Variants in NRP2 observed in about 807,000 individuals in gnomAD.
NRP2 encodes the protein neuropilin-2.
NRP2 carries 52 observed loss-of-function variants against 110.4 expected under a neutral mutation model. That is an observed-to-expected ratio of 0.47 (90% confidence interval 0.38 to 0.59). The LOEUF (loss-of-function observed/expected upper bound fraction) is 0.59, where lower values mean the gene tolerates loss of function less well. Among genes scored for constraint, NRP2 ranks in the 20% least tolerant of loss-of-function variants. NRP2 has a pLI of 0.00. For missense variants in NRP2, 1,049 were observed against 1,203.0 expected, an observed-to-expected ratio of 0.87 and a Z score of 1.89; for synonymous variants, 508 against 468.9, an observed-to-expected ratio of 1.08 and a Z score of -1.08.
At chr2:205,730,641 A>G (rs1356955468) in intron 7 of NRP2, among the ~76,000 whole-genome samples, 4 of 152,130 alleles carry the variant, frequency 2.6e-5, no homozygotes, top group Admixed American at 6.5e-5. Context: ...GGGAATAGTG[A>G]CATTTGGGAC....
chr2:205,690,445 A>G (rs1308263405), intron 1 of NRP2, among the ~76,000 whole-genome samples: 1 of 152,072 alleles, frequency 6.6e-6, no homozygotes, highest in African/African-American at 2.4e-5. Context: ...CTAGTATTAA[A>G]AATAAAATGG....
At chr2:205,718,763 G>A (rs777925495) in intron 3 of NRP2, among the ~76,000 whole-genome samples, 8 of 152,058 alleles carry the variant, frequency 5.3e-5, no homozygotes, top group Non-Finnish European at 1.0e-4. Context: ...CCAACATGGC[G>A]AAACCTGGTC....
At chr2:205,745,260 TC>T (rs2057516990) in intron 9 of NRP2, among the ~76,000 whole-genome samples, 2 of 152,348 alleles carry the variant, frequency 1.3e-5, no homozygotes, top group Non-Finnish European at 2.9e-5. Flanking sequence ...GGGGTCATTT[TC>T]CCGTAAGGTT....
At position 205,726,067 on chromosome 2, in the gene NRP2, C is replaced by G; in HGVS notation, c.975C>G (p.Asn325Lys). 6.2e-7 allele frequency: 1 copy of G among 1,614,202 alleles called. No individual in the cohort carries two copies. Among genetic ancestry groups the G allele is most frequent in the Non-Finnish European group, 8.5e-7 (1 of 1,180,032 alleles). ...GCTGGACCCCCAACTTGGATTCCAA[C>G]AAGGAGTATCTCCAGGTACTTGTGC... is the stretch of plus-strand genomic sequence containing the variant. ...DNGWTPNLDS[N>K]KEYLQVDLRF... Residue 325 changes from asparagine (N) to lysine (K), a missense_variant, in exon 6 of 17, where the codon AAC becomes AAG. Physicochemically the swap from Asn to Lys is moderately conservative, Grantham distance 94 (BLOSUM62 0). Transcript: ENST00000357785.
At chr2:205,757,684 G>A (rs1043997384) in intron 12 of NRP2, among the ~76,000 whole-genome samples, 13 of 152,130 alleles carry the variant, frequency 8.5e-5, no homozygotes, top group African/African-American at 3.1e-4. Flanking sequence ...CTTGGCTGGG[G>A]CACAGACACT....
intron 2 of NRP2, among the ~76,000 whole-genome samples, chr2:205,715,809 G>A (rs916521819): frequency 1.2e-4 from 19 of 152,244 alleles, no homozygotes; most frequent in African/African-American, 4.1e-4. Context: ...GATGCTCAAA[G>A]GGGTTCAGCA....
At chr2:205,710,971 G>A (rs747464850) in intron 2 of NRP2, among the ~76,000 whole-genome samples, 20 of 152,322 alleles carry the variant, frequency 1.3e-4, no homozygotes, top group Non-Finnish European at 2.2e-4. Context: ...AATGCTGTCA[G>A]CATGATTTGA....
chr2:205,776,923 A>T, intron 15 of NRP2: 2 of 1,189,990 alleles, frequency 1.7e-6, no homozygotes, highest in Non-Finnish European at 2.1e-6. Context: ...GGAAGCCTGG[A>T]TCTGTGTGTA....
intron 2 of NRP2, among the ~76,000 whole-genome samples, chr2:205,704,280 G>C (rs1456321108): frequency 6.6e-6 from 1 of 152,202 alleles, no homozygotes; most frequent in Non-Finnish European, 1.5e-5. Context: ...GGTCTCCGTT[G>C]AAGTCTGAAA....
chr2:205,750,240 G>A (rs2241156), intron 11 of NRP2, among the ~76,000 whole-genome samples: 1 of 152,174 alleles, frequency 6.6e-6, no homozygotes, highest in East Asian at 1.9e-4. Context: ...ATGCTACAGC[G>A]AAGTGAAGAT....
rs995213141 is a variant in NRP2, at chr2:205,766,933, C to A, written c.2425+130C>A. ...CTCGCAAGAGAAAAGAGACGCCACA[C>A]CTTCCTGCCGCTAGATGGCACTAGC... On this transcript the variant is annotated intron_variant, in intron 15 of 16. Transcript: ENST00000357785. 6.3e-6 allele frequency: 5 copies of A among 791,296 alleles called. No individual in the cohort carries two copies. The Admixed American group carries it at 1.0e-4, about 16-fold the overall frequency. 49.0% of individuals were successfully genotyped at this position (791,296 alleles called of 1,614,324 possible). A position where few individuals can be genotyped will look rare whatever the true frequency, so the allele number is the denominator to read the frequency against.
At position 205,740,663 on chromosome 2, in the gene NRP2, G is replaced by A; in HGVS notation, c.1291G>A (p.Asp431Asn). ...GGAGCTCTTCGGCTGCCGGGTCACA[G>A]GTGAGGTGGGGGCTCCAATGAGGTT... Reference protein sequence around the residue: ...RLELFGCRVTDAPCSNMLGML... With the variant: ...RLELFGCRVTNAPCSNMLGML... The change falls in exon 8 of 17, where the codon GAT becomes AAT. Residue 431 changes from aspartate to asparagine, a missense_variant and splice_region_variant. Asp to Asn is a conservative substitution (Grantham distance 23). Transcript: ENST00000357785. The A allele has an allele frequency of 6.2e-7, 1 of 1,614,064 alleles. No individual in the cohort carries two copies. Among genetic ancestry groups the A allele is most frequent in the Non-Finnish European group, 8.5e-7 (1 of 1,180,036 alleles).
intron 3 of NRP2, chr2:205,722,164 CTCTCTCAT>C (rs1267609581): frequency 2.4e-5 from 8 of 337,296 alleles, no homozygotes; most frequent in African/African-American, 1.9e-4. Flanking sequence ...CTCTCTCTCT[CTCTCTCAT>C]ACACACACAC....
intron 11 of NRP2, chr2:205,752,439 G>A (rs955913946): frequency 3.5e-5 from 11 of 311,288 alleles, no homozygotes; most frequent in Admixed American, 1.4e-4. Flanking sequence ...GTTGGCAGGA[G>A]ATGAGATAAT....
Position 205,743,109 on chromosome 2 carries a change from G to T in NRP2, c.1292-94G>T, listed in dbSNP as rs2057471808. 6 of 1,597,884 alleles carry T rather than the reference G, an allele frequency of 3.8e-6. No homozygotes were observed. The African/African-American group carries it at 6.7e-5, about 18-fold the overall frequency. Reference sequence around the variant, plus strand: ...ATTAGTGCTGACTTAGTATTTGACAGTTGGGCTCTTTTGCAGCTCCCTTCT... The same window carrying T: ...ATTAGTGCTGACTTAGTATTTGACATTTGGGCTCTTTTGCAGCTCCCTTCT... On this transcript the variant is annotated intron_variant, in intron 8 of 16. Coordinates refer to ENST00000357785, the MANE Select transcript of NRP2 (RefSeq NM_003872.3).
At chr2:205,729,595 C>G (rs2057197252) in intron 7 of NRP2, among the ~76,000 whole-genome samples, 2 of 152,218 alleles carry the variant, frequency 1.3e-5, no homozygotes, top group African/African-American at 4.8e-5. Flanking sequence ...GATTGTCTCC[C>G]TGTCCAGGCG....
Position 205,682,654 on chromosome 2 carries a change from CCAG to C in NRP2, c.-628_-626del, listed in dbSNP as rs2056039044. ...GATCCCAGCCGCCACCGCCGCCGCA[CCAG>C]CAGCAGCAACAGCAGCAGCAGCTTC... is the stretch of plus-strand genomic sequence containing the variant. On this transcript the variant is annotated 5_prime_UTR_variant, in exon 1 of 17. Coordinates refer to ENST00000357785, the MANE Select transcript of NRP2 (RefSeq NM_003872.3). The surrounding 1 kb of genome is among the most constrained non-coding windows in gnomAD (Gnocchi z 4.3). The C allele has an allele frequency of 1.2e-5, 2 of 166,878 alleles. No homozygotes were observed. The highest frequency in any genetic ancestry group is 2.5e-5 in the Non-Finnish European group (2 of 78,912). The allele number at this position is 166,878 out of a possible 1,614,324, so 10.3% of individuals were successfully genotyped here. A position where few individuals can be genotyped will look rare whatever the true frequency, so the allele number is the denominator to read the frequency against.
chr2:205,796,818 T>C lies in NRP2; in HGVS notation c.*1760T>C, dbSNP rs1258370306. 1 of 152,684 alleles carries C rather than the reference T, an allele frequency of 6.5e-6. No homozygotes were observed. The highest frequency in any genetic ancestry group is 2.4e-5 in the African/African-American group (1 of 41,470). 9.5% of individuals were successfully genotyped at this position (152,684 alleles called of 1,614,324 possible). ...GGAAATATATTTGAAACTCAACCAG[T>C]ATGCCCAGCCTATTGCATATCATTG... On this transcript the variant is annotated 3_prime_UTR_variant, in exon 17 of 17. Coordinates refer to ENST00000357785, the MANE Select transcript of NRP2 (RefSeq NM_003872.3).
chr2:205,792,234 G>C lies in NRP2; in HGVS notation c.2426-1G>C, dbSNP rs771084191. On this transcript the variant is annotated splice_acceptor_variant, in intron 15 of 16. Transcript: ENST00000357785. LOFTEE classifies it high-confidence loss of function. ...TTGTTTTTATTTTCTTTATATTATA[G>C]TGGACATCCCAGAAATACATGAGAG... The C allele has an allele frequency of 1.3e-6, 2 of 1,580,538 alleles. No individual in the cohort carries two copies. Among genetic ancestry groups the C allele is most frequent in the Non-Finnish European group, 1.7e-6 (2 of 1,149,604 alleles).
Sources: gnomAD v4.1 joint callset for allele counts (sites outside exome capture counted in the v4.1 genomes callset) on GRCh38, gnomAD v4.1.1 for gene constraint, Gnocchi (gnomAD v3.1) non-coding constraint, MANE v1.5 for transcripts, NCBI Gene and HGNC (gene_info 2026-07-23, HGNC 2026-07-21) for gene names.